The following PCDHA1 variants were observed in gnomAD, a reference collection of about 807,000 sequenced individuals.
PCDHA1 encodes protocadherin alpha-1.
Under a neutral mutation model 61.3 loss-of-function variants are expected in PCDHA1, and 42 were observed. The ratio of observed to expected loss-of-function variants is 0.69; its 90% CI spans 0.54 to 0.89. The LOEUF (loss-of-function observed/expected upper bound fraction) is 0.89, where lower values mean the gene tolerates loss of function less well. Among genes scored for constraint, PCDHA1 ranks in the 40% least tolerant of loss-of-function variants. The pLI is 0.00. For synonymous variants in PCDHA1, 610 were observed against 553.8 expected (o/e 1.10, Z -1.43); for missense variants, 1,256 against 1,235.3 (o/e 1.02, Z -0.25).
In PCDHA1 at chr5:140,795,230, G is replaced by C. The variant is rs145951382; in HGVS notation, c.2394+6546G>C. 6.2e-6 allele frequency: 10 copies of C among 1,614,116 alleles called. No individual in the cohort carries two copies. Among genetic ancestry groups the C allele is most frequent in the Middle Eastern group, 1.6e-4 (1 of 6,082 alleles). On this transcript the variant is annotated intron_variant, in intron 1 of 3. Coordinates refer to ENST00000504120, the MANE Select transcript of PCDHA1 (RefSeq NM_018900.4). ...AATGGCATTTTGTTTGTGAATTCTC[G>C]GATCGACCGGGAGGAGCTGTGCGGG...
At position 140,848,656 on chromosome 5, in the gene PCDHA1, TGGAGCTGGC is replaced by T. The variant is rs2150416289; in HGVS notation, c.2394+59981_2394+59989del. 5 of 1,592,712 alleles carry T rather than the reference TGGAGCTGGC, an allele frequency of 3.1e-6. 1 individual carries two copies. Among genetic ancestry groups the T allele is most frequent in the Admixed American group, 3.4e-5 (2 of 59,208 alleles). ...GGCCGCATCGCGCAGGACCTGGGGC[TGGAGCTGGC>T]GGAGCTGGTGCCGCGCCTGTTCCAG... On this transcript the variant is annotated intron_variant, in intron 1 of 3. Coordinates refer to ENST00000504120, the MANE Select transcript of PCDHA1 (RefSeq NM_018900.4).
At chr5:140,863,295 C>G in intron 1 of PCDHA1, 1 of 1,463,648 alleles carries the variant, frequency 6.8e-7, no homozygotes, top group South Asian at 1.1e-5. Context: ...TGTACCTGAT[C>G]ATCGCCATCT....
At chr5:140,814,732 A>G (rs1021205164) in intron 1 of PCDHA1, 1 of 152,210 alleles carries the variant, frequency 6.6e-6, no homozygotes, top group African/African-American at 2.4e-5. Flanking sequence ...TTTCAGCTCC[A>G]TTATAATCTT....
intron 1 of PCDHA1, among the ~76,000 whole-genome samples, chr5:140,894,352 G>A (rs2064438357): frequency 6.6e-6 from 1 of 151,796 alleles, no homozygotes; most frequent in Admixed American, 6.6e-5. Context: ...TATTACTTCA[G>A]ATTTCTTCTT....
chr5:140,835,653 G>A, intron 1 of PCDHA1: 1 of 1,613,930 alleles, frequency 6.2e-7, no homozygotes, highest in Non-Finnish European at 8.5e-7. Context: ...CTATGAGCTG[G>A]TGGTTACCGC....
intron 1 of PCDHA1, chr5:140,801,794 T>C: frequency 6.2e-7 from 1 of 1,613,862 alleles, no homozygotes. Context: ...TGAAAAAAAA[T>C]TTAAATCGAG....
At chr5:140,990,097 T>C (rs2097373826) in intron 3 of PCDHA1, among the ~76,000 whole-genome samples, 1 of 151,922 alleles carries the variant, frequency 6.6e-6, no homozygotes, top group African/African-American at 2.4e-5. Flanking sequence ...GTGCTACTAT[T>C]GAAACAGGAA....
chr5:140,859,351 A>T (rs2045821296), intron 1 of PCDHA1: 1 of 247,508 alleles, frequency 4.0e-6, no homozygotes, highest in Non-Finnish European at 7.7e-6. Context: ...TTTTCTACTG[A>T]TCTGATATAT....
At chr5:140,872,957 C>T (rs2054004795) in intron 1 of PCDHA1, among the ~76,000 whole-genome samples, 1 of 152,138 alleles carries the variant, frequency 6.6e-6, no homozygotes, top group African/African-American at 2.4e-5. Flanking sequence ...CACGTAGTAT[C>T]ATCCCATCTG....
At chr5:141,006,579 T>C (rs1208750821) in intron 3 of PCDHA1, among the ~76,000 whole-genome samples, 1 of 151,702 alleles carries the variant, frequency 6.6e-6, no homozygotes, top group Non-Finnish European at 1.5e-5. Context: ...GTGTGGAGGG[T>C]TGGAGAGAAG....
chr5:140,875,928 T>C (rs782425352), intron 1 of PCDHA1: 1 of 1,614,188 alleles, frequency 6.2e-7, no homozygotes, highest in South Asian at 1.1e-5. Flanking sequence ...ACTCTCATTT[T>C]CCTCTAGAGG....
intron 1 of PCDHA1, among the ~76,000 whole-genome samples, chr5:140,873,389 T>C (rs2054266406): frequency 6.6e-6 from 1 of 152,220 alleles, no homozygotes; most frequent in Admixed American, 6.5e-5. Flanking sequence ...GACTTGGGAA[T>C]GTTTTCAGTA....
chr5:140,906,786 A>G (rs1471436514), intron 1 of PCDHA1, among the ~76,000 whole-genome samples: 1 of 152,198 alleles, frequency 6.6e-6, no homozygotes, highest in Non-Finnish European at 1.5e-5. Flanking sequence ...GATCTTGTGT[A>G]TTCCATGCAT....
At chr5:140,804,179 A>G (rs1217197809) in intron 1 of PCDHA1, 1 of 152,230 alleles carries the variant, frequency 6.6e-6, no homozygotes, top group Non-Finnish European at 1.5e-5. Flanking sequence ...AATATGATTC[A>G]TTTTAGGCCT....
intron 1 of PCDHA1, among the ~76,000 whole-genome samples, chr5:140,934,289 T>C (rs1584800076): frequency 6.6e-6 from 1 of 152,138 alleles, no homozygotes; most frequent in East Asian, 1.9e-4. Flanking sequence ...AGGGCATTCT[T>C]ACTGGTATTT....
intron 1 of PCDHA1, among the ~76,000 whole-genome samples, chr5:140,937,187 G>A (rs1443565443): frequency 6.6e-6 from 1 of 151,764 alleles, no homozygotes; most frequent in Non-Finnish European, 1.5e-5. Context: ...ACAGGCGCCC[G>A]CCACCATGCC....
chr5:140,796,274 C>T (rs1335115262), intron 1 of PCDHA1: 30 of 1,613,974 alleles, frequency 1.9e-5, no homozygotes, highest in Non-Finnish European at 2.4e-5. Context: ...TCACTGTGGG[C>T]CACCACCAGC....
chr5:140,954,920 G>A (rs1295412224), intron 1 of PCDHA1, among the ~76,000 whole-genome samples: 2 of 152,076 alleles, frequency 1.3e-5, no homozygotes, highest in East Asian at 3.9e-4. Context: ...TATGAATTAC[G>A]TCTTTAATTA....
Position 140,877,150 on chromosome 5 carries a change from G to C in PCDHA1, c.2394+88466G>C, listed in dbSNP as rs370292278. On this transcript the variant is annotated intron_variant, in intron 1 of 3. Transcript: ENST00000504120. ...GCAGGTGTTCGTGCTGGACGAGAAC[G>C]ACAACGCGCCGGCACTGCTGGCGAC... 1 of 1,613,790 alleles carries C rather than the reference G, an allele frequency of 6.2e-7. No individual in the cohort carries two copies. The highest frequency in any genetic ancestry group is 2.2e-5 in the East Asian group (1 of 44,870).
Sources: gnomAD v4.1 joint callset for allele counts (sites outside exome capture counted in the v4.1 genomes callset) on GRCh38, gnomAD v4.1.1 for gene constraint, MANE v1.5 for transcripts, NCBI Gene and HGNC (gene_info 2026-07-23, HGNC 2026-07-21) for gene names.